CYP26B1: variants seen among roughly 807,000 people sequenced by gnomAD.
The protein encoded by CYP26B1 is cytochrome P450 26B1.
CYP26B1 carries 8 observed loss-of-function variants against 39.1 expected under a neutral mutation model. The ratio of observed to expected loss-of-function variants is 0.20; its 90% CI spans 0.12 to 0.37. The LOEUF is 0.37. CYP26B1 is among the 10% of genes least tolerant of loss of function. CYP26B1 has a pLI of 1.00. For missense variants in CYP26B1, 615 were observed against 707.0 expected (o/e 0.87, Z 1.48); for synonymous variants, 321 against 314.3 (o/e 1.02, Z -0.23).
Position 72,129,470 on chromosome 2 carries a change from C to G in CYP26B1, c.*2757G>C, listed in dbSNP as rs1676487983. 1.3e-5 allele frequency: 2 copies of G among 152,424 alleles called. No homozygotes were observed. The highest frequency in any genetic ancestry group is 2.4e-5 in the African/African-American group (1 of 41,362). 9.4% of individuals were successfully genotyped at this position (152,424 alleles called of 1,614,324 possible). A position where few individuals can be genotyped will look rare whatever the true frequency, so the allele number is the denominator to read the frequency against. ...GATAAAAACATATTAATATTTTGAA[C>G]CATGTTTACAATAGAGCAAAATTCA... On this transcript the variant is annotated 3_prime_UTR_variant, in exon 6 of 6. Coordinates refer to ENST00000001146, the MANE Select transcript of CYP26B1 (RefSeq NM_019885.4).
Position 72,147,533 on chromosome 2 carries a change from T to G in CYP26B1, c.204+98A>C. ...AAGGGGCGGGGCGGGGACCAGTGCC[T>G]TCAGGCTCCCGGCGCCCCCTGGCCG... On this transcript the variant is annotated intron_variant, in intron 1 of 5. Transcript: ENST00000001146. The surrounding 1 kb of genome is among the most constrained non-coding windows in gnomAD (Gnocchi z 6.1). 2 of 1,283,484 alleles carry G rather than the reference T, an allele frequency of 1.6e-6. No individual in the cohort carries two copies. The highest frequency in any genetic ancestry group is 2.1e-6 in the Non-Finnish European group (2 of 959,056). 79.5% of individuals were successfully genotyped at this position (1,283,484 alleles called of 1,614,324 possible). A position where few individuals can be genotyped will look rare whatever the true frequency, so the allele number is the denominator to read the frequency against.
Position 72,131,867 on chromosome 2 carries a change from TA to T in CYP26B1, c.*359del. The stretch of plus-strand genomic sequence containing the variant: ...GCTCTTCCCGTCCCCCAACCCCAGC[TA>T]AAAGGGTCCGAAAGGAACGGAGGGA... On this transcript the variant is annotated 3_prime_UTR_variant, in exon 6 of 6. Transcript: ENST00000001146. 4.1e-6 allele frequency: 1 copy of T among 244,660 alleles called. No homozygotes were observed. Among genetic ancestry groups the T allele is most frequent in the Admixed American group, 5.1e-5 (1 of 19,420 alleles). 15.2% of individuals were successfully genotyped at this position (244,660 alleles called of 1,614,324 possible).
rs1454818390 is a variant in CYP26B1 at position 72,147,007 on chromosome 2, T to TC, written c.204+623dup. Among the ~76,000 whole-genome samples the TC allele has an allele frequency of 1.3e-5, 2 of 152,124 alleles. No individual in the cohort carries two copies. Among genetic ancestry groups the TC allele is most frequent in the African/African-American group, 2.4e-5 (1 of 41,444 alleles). The stretch of plus-strand genomic sequence containing the variant: ...CACCCAATAAGTAAATAGACCCTTT[T>TC]CCCCGAAAGCCTAGAGCCCTGGATT... On this transcript the variant is annotated intron_variant, in intron 1 of 5. Coordinates refer to ENST00000001146, the MANE Select transcript of CYP26B1 (RefSeq NM_019885.4). This position sits in a 1 kb window ranked among gnomAD's most constrained non-coding sequence, Gnocchi z 6.1.
At position 72,144,185 on chromosome 2, in the gene CYP26B1, T is replaced by G; in HGVS notation, c.233A>C (p.Glu78Ala). Residue 78 changes from glutamate to alanine, a missense_variant, in exon 2 of 6, where the codon GAG (glutamate) becomes GCG (alanine). Coordinates refer to ENST00000001146, the MANE Select transcript of CYP26B1 (RefSeq NM_019885.4). ...QGSGFQSSRR[E>A]KYGNVFKTHL... ...CGTCTTGAACACGTTGCCATACTTC[T>G]CCCTCCGCGACGACTGGAAGCCAGA... The G allele has an allele frequency of 6.3e-7, 1 of 1,598,968 alleles. No individual in the cohort carries two copies. The highest frequency in any genetic ancestry group is 1.1e-5 in the South Asian group (1 of 90,168).
chr2:72,147,111 T>G lies in CYP26B1; in HGVS notation c.204+520A>C, dbSNP rs756980325. 1.3e-5 allele frequency among the ~76,000 whole-genome samples: 2 copies of G among 152,200 alleles called. No individual in the cohort carries two copies. The highest frequency in any genetic ancestry group is 2.4e-5 in the African/African-American group (1 of 41,458). ...CGCGCGGACCGCGGACCAGGGACAC[T>G]GTACCTGGCGCTGCCGACGGCGCCG... On this transcript the variant is annotated intron_variant, in intron 1 of 5. Coordinates refer to ENST00000001146, the MANE Select transcript of CYP26B1 (RefSeq NM_019885.4). This position sits in a 1 kb window ranked among gnomAD's most constrained non-coding sequence, Gnocchi z 6.1.
At chr2:72,137,206 C>T (rs75193861) in intron 2 of CYP26B1, among the ~76,000 whole-genome samples, 1,869 of 152,260 alleles carry the variant, frequency 0.012, 16 homozygotes, top group Non-Finnish European at 0.019. Flanking sequence ...GCCACGCCCA[C>T]CAGGCCCAGC....
At position 72,139,175 on chromosome 2, in the gene CYP26B1, A is replaced by C. The variant is rs570805301; in HGVS notation, c.430-3756T>G. Among the ~76,000 whole-genome samples, 477 of 152,176 alleles carry C rather than the reference A, an allele frequency of 3.1e-3. 2 individuals carry two copies. Among genetic ancestry groups the C allele is most frequent in the African/African-American group, 0.011 (452 of 41,542 alleles). ...AGTGACTCAGACTGGGAGGAATGGA[A>C]GCGGCTGCCCAGGAGGGGTGGGGGC... is the stretch of plus-strand genomic sequence containing the variant. On this transcript the variant is annotated intron_variant, in intron 2 of 5. Transcript: ENST00000001146.
intron 2 of CYP26B1, among the ~76,000 whole-genome samples, chr2:72,143,361 C>T (rs1334000231): frequency 6.7e-6 from 1 of 150,026 alleles, no homozygotes; most frequent in African/African-American, 2.5e-5. Context: ...CCCACTTTCC[C>T]TTCCTCTTTC....
rs183574084 is a variant in CYP26B1 at position 72,140,092 on chromosome 2, C to T, written c.429+3897G>A. Among the ~76,000 whole-genome samples, 797 of 152,346 alleles carry T rather than the reference C, an allele frequency of 5.2e-3. 5 individuals carry two copies. Among genetic ancestry groups the T allele is most frequent in the African/African-American group, 0.017 (721 of 41,574 alleles). ...CCCCACCGAGCCTTCCCACTCCCTG[C>T]CAAGGCCACCTTCATCTTCCAAGGC... is the stretch of plus-strand genomic sequence containing the variant. On this transcript the variant is annotated intron_variant, in intron 2 of 5. Transcript: ENST00000001146.
intron 2 of CYP26B1, among the ~76,000 whole-genome samples, chr2:72,141,225 A>C (rs905695928): frequency 6.6e-6 from 1 of 152,074 alleles, no homozygotes; most frequent in Non-Finnish European, 1.5e-5. Flanking sequence ...GGGCAGGGGA[A>C]GGGTAACCCA....
rs753142257 is a variant in CYP26B1, at chr2:72,134,749, C to T, written c.861+12G>A. The T allele has an allele frequency of 8.1e-6, 13 of 1,609,410 alleles. No homozygotes were observed. Among genetic ancestry groups the T allele is most frequent in the Admixed American group, 6.8e-5 (4 of 59,198 alleles). On this transcript the variant is annotated intron_variant, in intron 4 of 5. Transcript: ENST00000001146. ...GCTGGTGCTGCCCGTGAGGGGCACA[C>T]GCCCACCCCACCTTCAGCTCCTGCA...
chr2:72,132,404 C>T lies in CYP26B1; in HGVS notation c.1362G>A (p.Leu454=), dbSNP rs201143185. 1.9e-6 allele frequency: 3 copies of T among 1,612,058 alleles called. No homozygotes were observed. Among genetic ancestry groups the T allele is most frequent in the Non-Finnish European group, 1.7e-6 (2 of 1,178,716 alleles). ...GGCTGGTGCTAGCCAGCTCCACCGC[C>T]AGCACCTTCAGGAACAGCTTGGCCA... is the stretch of plus-strand genomic sequence containing the variant. ...KHLAKLFLKV[L]AVELASTSRF... The change falls in exon 6 of 6, where the codon CTG becomes CTA. Residue 454 remains leucine, a synonymous_variant. Transcript: ENST00000001146.
chr2:72,131,888 G>C lies in CYP26B1; in HGVS notation c.*339C>G, dbSNP rs754632729. 1.3e-5 allele frequency: 4 copies of C among 312,724 alleles called. No individual in the cohort carries two copies. Among genetic ancestry groups the C allele is most frequent in the Non-Finnish European group, 2.4e-5 (4 of 166,446 alleles). The allele number at this position is 312,724 out of a possible 1,614,324, so 19.4% of individuals were successfully genotyped here. On this transcript the variant is annotated 3_prime_UTR_variant, in exon 6 of 6. Transcript: ENST00000001146. The stretch of plus-strand genomic sequence containing the variant: ...CAGCTAAAAGGGTCCGAAAGGAACG[G>C]AGGGAAGGGAGCAGTTCAGAACATC...
chr2:72,138,502 G>A (rs1324984203), intron 2 of CYP26B1, among the ~76,000 whole-genome samples: 1 of 152,210 alleles, frequency 6.6e-6, no homozygotes, highest in Non-Finnish European at 1.5e-5. Context: ...CTGACCACAG[G>A]CATCGCAGGA....
chr2:72,144,401 G>T (rs775917224), intron 1 of CYP26B1, 188 bp from the exon 2 acceptor site: 8 of 1,402,264 alleles, frequency 5.7e-6, no homozygotes, highest in Non-Finnish European at 7.4e-6. Context: ...GGGCCTAGAG[G>T]ATAATAAATA....
Position 72,131,815 on chromosome 2 carries a change from G to A in CYP26B1, c.*412C>T, listed in dbSNP as rs973372084. 17 of 190,528 alleles carry A rather than the reference G, an allele frequency of 8.9e-5. No homozygotes were observed. The highest frequency in any genetic ancestry group is 6.6e-4 in the South Asian group (6 of 9,132). 11.8% of individuals were successfully genotyped at this position (190,528 alleles called of 1,614,324 possible). A position where few individuals can be genotyped will look rare whatever the true frequency, so the allele number is the denominator to read the frequency against. On this transcript the variant is annotated 3_prime_UTR_variant, in exon 6 of 6. Transcript: ENST00000001146. ...CAGTGGGGGCGCAGGAGGAGGAGAC[G>A]CTGAAGAGTGCGCCCAAGGGGGCAC...
intron 2 of CYP26B1, chr2:72,143,080 AGGGAC>A (rs1328839148): frequency 6.0e-6 from 1 of 166,990 alleles, no homozygotes; most frequent in African/African-American, 2.4e-5. Context: ...GCCACCGCTC[AGGGAC>A]GGGGGGCTGC....
chr2:72,147,845 G>A lies in CYP26B1; in HGVS notation c.-11C>T. 1.3e-6 allele frequency: 2 copies of A among 1,514,552 alleles called. No homozygotes were observed. The highest frequency in any genetic ancestry group is 2.0e-5 in the Admixed American group (1 of 49,096). The allele number at this position is 1,514,552 out of a possible 1,614,324, so 93.8% of individuals were successfully genotyped here. A position where few individuals can be genotyped will look rare whatever the true frequency, so the allele number is the denominator to read the frequency against. On this transcript the variant is annotated 5_prime_UTR_variant, in exon 1 of 6. Transcript: ENST00000001146. The surrounding 1 kb of genome is among the most constrained non-coding windows in gnomAD (Gnocchi z 6.1). Reference sequence around the variant, plus strand: ...GCCCTCAAAGAGCATGTTGGCGGCCGCTCGGGGGATTGGCTGTGCCGGCCG... The same window carrying A: ...GCCCTCAAAGAGCATGTTGGCGGCCACTCGGGGGATTGGCTGTGCCGGCCG...
chr2:72,143,296 G>GTGCGCGCCTCC (rs1382264627), intron 2 of CYP26B1, among the ~76,000 whole-genome samples: 1 of 152,088 alleles, frequency 6.6e-6, no homozygotes, highest in Non-Finnish European at 1.5e-5. Flanking sequence ...GGCCTGTCCC[G>GTGCGCGCCTCC]TGCGCGCCTC....
Sources: allele counts gnomAD v4.1 joint callset (sites outside exome capture counted in the v4.1 genomes callset), GRCh38; gene constraint gnomAD v4.1.1; non-coding constraint Gnocchi (gnomAD v3.1); transcripts MANE v1.5; gene names NCBI Gene and HGNC (gene_info 2026-07-23, HGNC 2026-07-21).